ARSB: variants seen among roughly 807,000 people sequenced by gnomAD.
ARSB encodes arylsulfatase B, also known as N-acetylgalactosamine-4-sulfatase.
Under a neutral mutation model 50.9 loss-of-function variants are expected in ARSB, and 41 were observed. The observed-to-expected ratio is 0.81, with a 90% CI of 0.63 to 1.04. The LOEUF (loss-of-function observed/expected upper bound fraction) is 1.04, where lower values mean the gene tolerates loss of function less well. Ranked by LOEUF, ARSB falls within the 50% of genes least tolerant of loss-of-function variation. The pLI, the probability that ARSB is intolerant of heterozygous loss-of-function variation, is 0.00. For synonymous variants in ARSB, 269 were observed against 284.8 expected (o/e 0.94, Z 0.56); for missense variants, 672 against 693.3 (o/e 0.97, Z 0.35).
chr5:78,792,607 C>A (rs1181725759), intron 6 of ARSB, among the ~76,000 whole-genome samples: 1 of 152,074 alleles, frequency 6.6e-6, no homozygotes, highest in Non-Finnish European at 1.5e-5. Flanking sequence ...AAAATGAGAA[C>A]CAAAATACTA....
intron 4 of ARSB, among the ~76,000 whole-genome samples, chr5:78,943,295 T>A (rs551833529): frequency 1.3e-5 from 2 of 152,338 alleles, no homozygotes; most frequent in South Asian, 4.1e-4. Context: ...AGGTTCATAT[T>A]GTTATGTGTG....
intron 6 of ARSB, among the ~76,000 whole-genome samples, chr5:78,817,814 C>CA (rs1288003648): frequency 1.3e-5 from 2 of 150,916 alleles, no homozygotes; most frequent in East Asian, 2.0e-4. Context: ...GACTCTGCCT[C>CA]AAAAAACCCA....
intron 6 of ARSB, among the ~76,000 whole-genome samples, chr5:78,805,913 T>C (rs1299354904): frequency 6.6e-6 from 1 of 152,204 alleles, no homozygotes; most frequent in African/African-American, 2.4e-5. Context: ...GGAGAGGCAC[T>C]GTGAGCTTGG....
At chr5:78,969,215 T>G (rs1752342837) in intron 1 of ARSB, 23 bp from the exon 2 acceptor site, 1 of 1,612,414 alleles carries the variant, frequency 6.2e-7, no homozygotes, top group East Asian at 2.2e-5. Context: ...AACATAAAAT[T>G]ATAGATTAAT....
intron 4 of ARSB, among the ~76,000 whole-genome samples, chr5:78,900,836 G>A (rs537498373): frequency 2.0e-4 from 31 of 152,064 alleles, no homozygotes; most frequent in African/African-American, 6.5e-4. Flanking sequence ...TCAGGAGATC[G>A]AGACCATCCT....
rs114613734 is a variant in ARSB at position 78,803,159 on chromosome 5, G to A, written c.1214-21185C>T. 5.1e-3 allele frequency among the ~76,000 whole-genome samples: 776 copies of A among 152,336 alleles called. 5 individuals carry two copies. The highest frequency in any genetic ancestry group is 0.017 in the African/African-American group (723 of 41,556). On this transcript the variant is annotated intron_variant, in intron 6 of 7. Transcript: ENST00000264914. ...TGAAGAGCAGGCCCTGTGGGCCATG[G>A]AGAGAGTCAGTTTCCTCCCCAGTGG...
chr5:78,940,096 G>C (rs1750832411), intron 4 of ARSB, among the ~76,000 whole-genome samples: 1 of 152,298 alleles, frequency 6.6e-6, no homozygotes, highest in African/African-American at 2.4e-5. Flanking sequence ...AGAAGTGTCT[G>C]TTCATATCCT....
At chr5:78,821,286 C>A (rs954652106) in intron 6 of ARSB, among the ~76,000 whole-genome samples, 1 of 152,250 alleles carries the variant, frequency 6.6e-6, no homozygotes, top group South Asian at 2.1e-4. Context: ...CAGGCATCCA[C>A]CAGCACGCCC....
chr5:78,822,993 A>C (rs964439447), intron 6 of ARSB, among the ~76,000 whole-genome samples: 2 of 152,238 alleles, frequency 1.3e-5, no homozygotes, highest in African/African-American at 4.8e-5. Flanking sequence ...TGAATACAAA[A>C]TTTTATTATT....
intron 4 of ARSB, among the ~76,000 whole-genome samples, chr5:78,892,549 C>G (rs929188038): frequency 7.9e-5 from 12 of 152,268 alleles, no homozygotes; most frequent in Middle Eastern, 3.4e-3. Flanking sequence ...AGCCACCACG[C>G]CCAGCCTGCA....
At chr5:78,839,243 C>T (rs996621668) in intron 6 of ARSB, 113 bp downstream of exon 6, 35 of 1,036,242 alleles carry the variant, frequency 3.4e-5, no homozygotes, top group African/African-American at 3.2e-4. Flanking sequence ...GAACTGTTTA[C>T]CTTTATAGCA....
chr5:78,849,562 T>C (rs1745645097), intron 5 of ARSB, among the ~76,000 whole-genome samples: 2 of 152,104 alleles, frequency 1.3e-5, no homozygotes, highest in African/African-American at 2.4e-5. Context: ...CTTTTTTGGT[T>C]CCATATGAAC....
At chr5:78,832,981 TG>T (rs1169345138) in intron 6 of ARSB, among the ~76,000 whole-genome samples, 3 of 152,196 alleles carry the variant, frequency 2.0e-5, no homozygotes, top group Non-Finnish European at 2.9e-5. Flanking sequence ...AAGTGAGTCG[TG>T]GTCTCAGATG....
chr5:78,878,857 CTT>C (rs34688578), intron 5 of ARSB, among the ~76,000 whole-genome samples: 4 of 150,102 alleles, frequency 2.7e-5, no homozygotes, highest in Admixed American at 6.6e-5. Context: ...CAGGAGATTG[CTT>C]TTTTTTTTTC....
intron 6 of ARSB, among the ~76,000 whole-genome samples, chr5:78,782,669 C>T (rs1318088112): frequency 6.6e-6 from 1 of 152,064 alleles, no homozygotes; most frequent in Non-Finnish European, 1.5e-5. Flanking sequence ...AGTTTGAAAC[C>T]AATTAAGAGG....
intron 4 of ARSB, among the ~76,000 whole-genome samples, chr5:78,921,482 T>G (rs191471759): frequency 6.6e-6 from 1 of 152,354 alleles, no homozygotes; most frequent in Admixed American, 6.5e-5. Context: ...TTATATTGAT[T>G]ATAAACTGAA....
At chr5:78,909,246 G>A (rs1181847556) in intron 4 of ARSB, among the ~76,000 whole-genome samples, 1 of 151,812 alleles carries the variant, frequency 6.6e-6, no homozygotes, top group Non-Finnish European at 1.5e-5. Context: ...TTTTTTTCCA[G>A]AGAGTACTTG....
intron 4 of ARSB, among the ~76,000 whole-genome samples, chr5:78,943,742 G>A (rs1431096850): frequency 6.6e-6 from 1 of 152,144 alleles, no homozygotes; most frequent in African/African-American, 2.4e-5. Flanking sequence ...TGGTGAATCT[G>A]ACAATTATGT....
At chr5:78,788,467 G>C (rs1428891536) in intron 6 of ARSB, among the ~76,000 whole-genome samples, 5 of 152,202 alleles carry the variant, frequency 3.3e-5, no homozygotes, top group Admixed American at 2.0e-4. Context: ...AAGTTGTCTT[G>C]AAATAGGATG....
Sources: allele counts gnomAD v4.1 joint callset (sites outside exome capture counted in the v4.1 genomes callset), GRCh38; gene constraint gnomAD v4.1.1; transcripts MANE v1.5; gene names NCBI Gene and HGNC (gene_info 2026-07-23, HGNC 2026-07-21).